Variants in SEC61A2 observed in about 807,000 individuals in gnomAD.
SEC61A2 encodes SEC61 translocon subunit alpha 2, also known as protein transport protein Sec61 subunit alpha isoform 2.
SEC61A2 carries 28 observed loss-of-function variants against 59.9 expected under a neutral mutation model. The observed-to-expected ratio is 0.47, with a 90% CI of 0.35 to 0.64. The LOEUF (loss-of-function observed/expected upper bound fraction) is 0.64. SEC61A2 is among the 30% of genes least tolerant of loss of function. SEC61A2 has a pLI of 0.01. For synonymous variants in SEC61A2, 202 were observed against 214.4 expected (o/e 0.94, Z 0.50); for missense variants, 340 against 585.9 (o/e 0.58, Z 4.33).
intron 4 of SEC61A2, among the ~76,000 whole-genome samples, chr10:12,144,228 T>TATGAAGCTGAAA (rs1834088334): frequency 6.6e-6 from 1 of 152,210 alleles, no homozygotes; most frequent in South Asian, 2.1e-4. Flanking sequence ...TACAGATTTA[T>TATGAAGCTGAAA]ATGAAGCTGA....
downstream of SEC61A2, chr10:12,169,212 T>A: frequency 1.5e-6 from 2 of 1,339,454 alleles, no homozygotes; most frequent in Non-Finnish European, 2.1e-6. This position sits in a 1 kb window ranked among gnomAD's most constrained non-coding sequence, Gnocchi z 4.8. Context: ...AGTAGCCCTC[T>A]CTCCACCTCC....
Position 12,154,245 on chromosome 10 carries a change from G to A in SEC61A2, c.463-1533G>A, listed in dbSNP as rs143062733. Among the ~76,000 whole-genome samples, 70 of 152,210 alleles carry A rather than the reference G, an allele frequency of 4.6e-4. No individual in the cohort carries two copies. Among genetic ancestry groups the A allele is most frequent in the Non-Finnish European group, 6.6e-4 (45 of 68,014 alleles). On this transcript the variant is annotated intron_variant, in intron 6 of 11. Coordinates refer to ENST00000298428, the MANE Select transcript of SEC61A2 (RefSeq NM_018144.4). This position sits in a 1 kb window ranked among gnomAD's most constrained non-coding sequence, Gnocchi z 5.2. ...TTTTATTCCCTTAATTATAGAAACC[G>A]TTTCTCATTTCTGTATAATTTCTTC...
At chr10:12,134,229 G>A (rs11257554) in intron 2 of SEC61A2, among the ~76,000 whole-genome samples, 29 of 111,978 alleles carry the variant, frequency 2.6e-4, no homozygotes, top group Admixed American at 6.2e-4. Context: ...GGATGGTCTC[G>A]ATCTCCTGAC....
chr10:12,157,312 C>T (rs1327707014), intron 8 of SEC61A2, among the ~76,000 whole-genome samples: 1 of 152,016 alleles, frequency 6.6e-6, no homozygotes, highest in Non-Finnish European at 1.5e-5. Context: ...AAAGGCAGAA[C>T]GTCTTTGTTA....
At chr10:12,148,464 C>T (rs528856503) in intron 4 of SEC61A2, among the ~76,000 whole-genome samples, 1 of 151,562 alleles carries the variant, frequency 6.6e-6, no homozygotes, top group African/African-American at 2.4e-5. Context: ...AGGCTGGTCT[C>T]GAACTCCTGA....
At chr10:12,146,021 A>G (rs1368448168) in intron 4 of SEC61A2, among the ~76,000 whole-genome samples, 1 of 152,040 alleles carries the variant, frequency 6.6e-6, no homozygotes, top group East Asian at 1.9e-4. Flanking sequence ...GATTTATTTT[A>G]TTTTATTTTA....
In SEC61A2 at chr10:12,155,446, A is replaced by G. The variant is rs775296107; in HGVS notation, c.463-332A>G. 7 of 1,130,546 alleles carry G rather than the reference A, an allele frequency of 6.2e-6. No individual in the cohort carries two copies. The East Asian group carries it at 1.0e-4, about 17-fold the overall frequency. The allele number at this position is 1,130,546 out of a possible 1,614,324, so 70.0% of individuals were successfully genotyped here. On this transcript the variant is annotated intron_variant, in intron 6 of 11. Coordinates refer to ENST00000298428, the MANE Select transcript of SEC61A2 (RefSeq NM_018144.4). The surrounding 1 kb of genome is among the most constrained non-coding windows in gnomAD (Gnocchi z 4.3). The stretch of plus-strand genomic sequence containing the variant: ...TCAGTTTCTTGCTGTCATAAATTCT[A>G]GAATACTGTGATCATTTTTTGTTTC...
chr10:12,132,129 C>T (rs949509884), intron 1 of SEC61A2, among the ~76,000 whole-genome samples: 5 of 149,920 alleles, frequency 3.3e-5, no homozygotes, highest in Non-Finnish European at 7.4e-5. Flanking sequence ...GGTGAAACCC[C>T]GGCTCTACGA....
chr10:12,157,763 A>T, intron 8 of SEC61A2, 145 bp from the exon 9 acceptor site: 1 of 697,780 alleles, frequency 1.4e-6, no homozygotes. Flanking sequence ...GGCCTCCCAA[A>T]GTGTTGGGAT....
intron 4 of SEC61A2, among the ~76,000 whole-genome samples, chr10:12,146,279 A>G (rs1367178233): frequency 6.6e-6 from 1 of 152,082 alleles, no homozygotes; most frequent in Non-Finnish European, 1.5e-5. Flanking sequence ...TGGCCTCCCA[A>G]AGTGCTGGGA....
In SEC61A2 at chr10:12,129,946, C is replaced by T. The variant is rs1335416884; in HGVS notation, c.7+152C>T. The T allele has an allele frequency of 1.5e-6, 1 of 657,066 alleles. No homozygotes were observed. Among genetic ancestry groups the T allele is most frequent in the African/African-American group, 1.9e-5 (1 of 52,638 alleles). 40.7% of individuals were successfully genotyped at this position (657,066 alleles called of 1,614,324 possible). ...AGCGGAGGGCACGGGCCGGGGGCCT[C>T]CGCCGAGGCTCCCCTAGCCGTGCGA... On this transcript the variant is annotated intron_variant, in intron 1 of 11. Coordinates refer to ENST00000298428, the MANE Select transcript of SEC61A2 (RefSeq NM_018144.4). This position sits in a 1 kb window ranked among gnomAD's most constrained non-coding sequence, Gnocchi z 5.6.
In SEC61A2 at chr10:12,145,433, C is replaced by T. The variant is rs904839129; in HGVS notation, c.220+2238C>T. Among the ~76,000 whole-genome samples, 7 of 152,232 alleles carry T rather than the reference C, an allele frequency of 4.6e-5. No homozygotes were observed. The highest frequency in any genetic ancestry group is 1.3e-4 in the Admixed American group (2 of 15,298). On this transcript the variant is annotated intron_variant, in intron 4 of 11. Transcript: ENST00000298428. The surrounding 1 kb of genome is among the most constrained non-coding windows in gnomAD (Gnocchi z 4.4). Reference sequence around the variant, plus strand: ...CAGTTGTTTGATTTTACACTCTCAGCGACAGTATATGAGAATGACCATTTC... The same window carrying T: ...CAGTTGTTTGATTTTACACTCTCAGTGACAGTATATGAGAATGACCATTTC...
At position 12,161,163 on chromosome 10, in the gene SEC61A2, C is replaced by T. The variant is rs1236850151; in HGVS notation, c.1167+42C>T. 4 of 1,465,712 alleles carry T rather than the reference C, an allele frequency of 2.7e-6. No homozygotes were observed. The highest frequency in any genetic ancestry group is 1.9e-5 in the Admixed American group (1 of 53,092). 90.8% of individuals were successfully genotyped at this position (1,465,712 alleles called of 1,614,324 possible). On this transcript the variant is annotated intron_variant, in intron 10 of 11. Coordinates refer to ENST00000298428, the MANE Select transcript of SEC61A2 (RefSeq NM_018144.4). This position sits in a 1 kb window ranked among gnomAD's most constrained non-coding sequence, Gnocchi z 5.4. Reference sequence around the variant, plus strand: ...TTTTAAAATAAAACTCTTGGCAATGCATGGTGGCGCACATCTGTAATCGTA... The same window carrying T: ...TTTTAAAATAAAACTCTTGGCAATGTATGGTGGCGCACATCTGTAATCGTA...
Position 12,129,732 on chromosome 10 carries a change from C to A in SEC61A2, c.-56C>A. The A allele has an allele frequency of 2.0e-6, 3 of 1,476,212 alleles. No individual in the cohort carries two copies. The highest frequency in any genetic ancestry group is 1.8e-6 in the Non-Finnish European group (2 of 1,115,280). The allele number at this position is 1,476,212 out of a possible 1,614,324, so 91.4% of individuals were successfully genotyped here. A position where few individuals can be genotyped will look rare whatever the true frequency, so the allele number is the denominator to read the frequency against. On this transcript the variant is annotated 5_prime_UTR_variant, in exon 1 of 12. Transcript: ENST00000298428. This position sits in a 1 kb window ranked among gnomAD's most constrained non-coding sequence, Gnocchi z 5.6. ...GTACCGAGGCCCGAGCCGCGGGAGT[C>A]GAGCGAAGGCAGCGCCGAGGCCGCG...
At chr10:12,132,504 C>T (rs1052011058) in intron 1 of SEC61A2, among the ~76,000 whole-genome samples, 6 of 148,588 alleles carry the variant, frequency 4.0e-5, no homozygotes, top group African/African-American at 1.2e-4. Context: ...ATCCTAGCTA[C>T]TCGGGAGGCT....
At chr10:12,169,558 C>A, downstream of SEC61A2, 2 of 446,798 alleles carry the variant, frequency 4.5e-6, no homozygotes, top group Non-Finnish European at 8.0e-6. The surrounding 1 kb of genome is among the most constrained non-coding windows in gnomAD (Gnocchi z 4.8). Context: ...TCCAAATACG[C>A]ACCAGATAAA....
In SEC61A2 at chr10:12,164,023, T is replaced by C. The variant is rs919515702; in HGVS notation, c.1245-245T>C. Among the ~76,000 whole-genome samples, 5 of 152,212 alleles carry C rather than the reference T, an allele frequency of 3.3e-5. No individual in the cohort carries two copies. Among genetic ancestry groups the C allele is most frequent in the Admixed American group, 1.3e-4 (2 of 15,284 alleles). On this transcript the variant is annotated intron_variant, in intron 11 of 11. Coordinates refer to ENST00000298428, the MANE Select transcript of SEC61A2 (RefSeq NM_018144.4). The surrounding 1 kb of genome is among the most constrained non-coding windows in gnomAD (Gnocchi z 7.3). ...TCCAGGAATCTCATGTCCTGTAAGA[T>C]TACATATTGTCTTTCTTGGCTGTTG...
chr10:12,137,657 T>C (rs959467797), intron 3 of SEC61A2, among the ~76,000 whole-genome samples: 5 of 152,122 alleles, frequency 3.3e-5, no homozygotes, highest in African/African-American at 9.7e-5. Flanking sequence ...ACAGTGTGAG[T>C]ATAAAATGTG....
chr10:12,136,863 C>T (rs1833900908), intron 3 of SEC61A2, among the ~76,000 whole-genome samples: 1 of 152,164 alleles, frequency 6.6e-6, no homozygotes, highest in Non-Finnish European at 1.5e-5. Context: ...CTCCTGACCT[C>T]AAGCTATCCA....
Sources: allele counts gnomAD v4.1 joint callset (sites outside exome capture counted in the v4.1 genomes callset), GRCh38; gene constraint gnomAD v4.1.1; non-coding constraint Gnocchi (gnomAD v3.1); transcripts MANE v1.5; gene names NCBI Gene and HGNC (gene_info 2026-07-23, HGNC 2026-07-21).